SLC24A4: variants seen among roughly 807,000 people sequenced by gnomAD.
SLC24A4 encodes solute carrier family 24 member 4.
In SLC24A4, 53 loss-of-function variants were observed where a neutral mutation model predicts 79.0. The observed-to-expected ratio is 0.67, with a 90% CI of 0.54 to 0.84. The LOEUF (loss-of-function observed/expected upper bound fraction) is 0.84. Ranked by LOEUF, SLC24A4 falls within the 40% of genes least tolerant of loss-of-function variation. The pLI, the probability that SLC24A4 is intolerant of heterozygous loss-of-function variation, is 0.00. For missense variants in SLC24A4, 731 were observed against 822.0 expected (o/e 0.89, Z 1.35); for synonymous variants, 323 against 323.8 (o/e 1.00, Z 0.03).
rs568750911 is a variant in SLC24A4, at chr14:92,441,952, G to T, written c.394-137G>T. On this transcript the variant is annotated intron_variant, in intron 4 of 16. Coordinates refer to ENST00000532405, the MANE Select transcript of SLC24A4 (RefSeq NM_153646.4). This position sits in a 1 kb window ranked among gnomAD's most constrained non-coding sequence, Gnocchi z 4.6. ...AGAGGGCACACAGCATGTGCCCAGG[G>T]GTGAGAGGCTGCAGGCAGACGAGTT... 8.0e-6 allele frequency: 5 copies of T among 626,086 alleles called. No individual in the cohort carries two copies. The highest frequency in any genetic ancestry group is 1.4e-5 in the Non-Finnish European group (5 of 349,324). 38.8% of individuals were successfully genotyped at this position (626,086 alleles called of 1,614,324 possible). A position where few individuals can be genotyped will look rare whatever the true frequency, so the allele number is the denominator to read the frequency against.
rs745847460 is a variant in SLC24A4, at chr14:92,496,434, G to A, written c.*2806G>A. 2.0e-5 allele frequency: 3 copies of A among 151,886 alleles called. No individual in the cohort carries two copies. The highest frequency in any genetic ancestry group is 4.4e-5 in the Non-Finnish European group (3 of 67,966). The allele number at this position is 151,886 out of a possible 1,614,324, so 9.4% of individuals were successfully genotyped here. A position where few individuals can be genotyped will look rare whatever the true frequency, so the allele number is the denominator to read the frequency against. On this transcript the variant is annotated 3_prime_UTR_variant, in exon 17 of 17. Transcript: ENST00000532405. ...GATAATTACTCTGCTACAGAAATAG[G>A]CAATTTAAAAAAATGAATTTAGCTC...
In SLC24A4 at chr14:92,456,625, C is replaced by T. The variant is rs1279394872; in HGVS notation, c.1255+17C>T. On this transcript the variant is annotated intron_variant, in intron 12 of 16. Coordinates refer to ENST00000532405, the MANE Select transcript of SLC24A4 (RefSeq NM_153646.4). ...CCGTGCCGGGTGAGTTCTGGGGGTA[C>T]TGGACTCTCGGGCTACATTTTTGGG... The T allele has an allele frequency of 6.2e-7, 1 of 1,610,574 alleles. No homozygotes were observed. The highest frequency in any genetic ancestry group is 1.3e-5 in the African/African-American group (1 of 74,830).
rs1031886997 is a variant in SLC24A4, at chr14:92,483,907, G to A, written c.1422+1061G>A. 4 of 1,280,808 alleles carry A rather than the reference G, an allele frequency of 3.1e-6. No homozygotes were observed. In the African/African-American group the frequency reaches 4.6e-5, roughly 15 times the overall value. The allele number at this position is 1,280,808 out of a possible 1,614,324, so 79.3% of individuals were successfully genotyped here. A position where few individuals can be genotyped will look rare whatever the true frequency, so the allele number is the denominator to read the frequency against. ...ATGAGAGACAGCAGGGCCAGTAAAC[G>A]TTCCATGCTGGCCCAGGGGCCACCT... On this transcript the variant is annotated intron_variant, in intron 13 of 16. Transcript: ENST00000532405.
intron 2 of SLC24A4, among the ~76,000 whole-genome samples, chr14:92,372,905 C>CTTCCTTCA (rs1888256282): frequency 8.4e-6 from 1 of 118,958 alleles, no homozygotes; most frequent in Non-Finnish European, 1.9e-5. Context: ...TCCTTCCTTC[C>CTTCCTTCA]TTCCTTCCTT....
chr14:92,392,495 A>G (rs1465516976), intron 2 of SLC24A4, among the ~76,000 whole-genome samples: 3 of 152,102 alleles, frequency 2.0e-5, no homozygotes, highest in East Asian at 3.9e-4. Flanking sequence ...TCGGGGTGAC[A>G]GCTTCTCATC....
intron 2 of SLC24A4, among the ~76,000 whole-genome samples, chr14:92,429,517 AT>A (rs1891746117): frequency 6.6e-6 from 1 of 152,256 alleles, no homozygotes; most frequent in African/African-American, 2.4e-5. Context: ...GATCCATTTA[AT>A]AATGGCCTAG....
At chr14:92,413,969 C>T (rs1366317676) in intron 2 of SLC24A4, among the ~76,000 whole-genome samples, 6 of 152,052 alleles carry the variant, frequency 3.9e-5, no homozygotes, top group African/African-American at 1.2e-4. Context: ...TTCCCAGCCA[C>T]CCAGTTTTGA....
At chr14:92,461,794 T>C (rs1446487393) in intron 12 of SLC24A4, among the ~76,000 whole-genome samples, 2 of 152,186 alleles carry the variant, frequency 1.3e-5, no homozygotes, top group Non-Finnish European at 2.9e-5. Flanking sequence ...GAGCTTTACA[T>C]GTATCCCCTC....
intron 12 of SLC24A4, among the ~76,000 whole-genome samples, chr14:92,469,203 G>A (rs1418215296): frequency 2.0e-5 from 3 of 152,090 alleles, no homozygotes; most frequent in African/African-American, 7.2e-5. Context: ...TACATTGCTG[G>A]TGGAAATGTA....
chr14:92,434,753 A>AT (rs537188546), intron 3 of SLC24A4, among the ~76,000 whole-genome samples: 82 of 152,234 alleles, frequency 5.4e-4, no homozygotes, highest in African/African-American at 1.9e-3. Flanking sequence ...GGTTAAATGC[A>AT]TTTTCCACTT....
At chr14:92,459,109 A>C (rs908850454) in intron 12 of SLC24A4, among the ~76,000 whole-genome samples, 4 of 152,214 alleles carry the variant, frequency 2.6e-5, no homozygotes, top group African/African-American at 9.7e-5. Flanking sequence ...TCCACTGTCC[A>C]GGCGCTGCAG....
At chr14:92,346,255 C>T (rs1023375683) in intron 2 of SLC24A4, among the ~76,000 whole-genome samples, 4 of 152,154 alleles carry the variant, frequency 2.6e-5, no homozygotes, top group Non-Finnish European at 5.9e-5. Flanking sequence ...AGATGCAGTG[C>T]TATAGGAAGC....
In SLC24A4 at chr14:92,483,897, G is replaced by T. The variant is rs1895212413; in HGVS notation, c.1422+1051G>T. The T allele has an allele frequency of 4.7e-6, 6 of 1,285,080 alleles. No homozygotes were observed. The Admixed American group carries it at 6.9e-5, about 15-fold the overall frequency. The allele number at this position is 1,285,080 out of a possible 1,614,324, so 79.6% of individuals were successfully genotyped here. A position where few individuals can be genotyped will look rare whatever the true frequency, so the allele number is the denominator to read the frequency against. On this transcript the variant is annotated intron_variant, in intron 13 of 16. Coordinates refer to ENST00000532405, the MANE Select transcript of SLC24A4 (RefSeq NM_153646.4). ...CGATCTTGACATGAGAGACAGCAGG[G>T]CCAGTAAACGTTCCATGCTGGCCCA...
intron 2 of SLC24A4, among the ~76,000 whole-genome samples, chr14:92,367,840 G>A (rs891180625): frequency 3.9e-5 from 6 of 152,242 alleles, no homozygotes; most frequent in Admixed American, 2.0e-4. Context: ...GCATAGCAGA[G>A]AAAGGGAGAA....
intron 2 of SLC24A4, among the ~76,000 whole-genome samples, chr14:92,369,350 G>A (rs1888020545): frequency 6.6e-6 from 1 of 152,174 alleles, no homozygotes. Flanking sequence ...TCATGCCAAG[G>A]TGTTCAGTAT....
At chr14:92,369,544 T>C (rs910309790) in intron 2 of SLC24A4, among the ~76,000 whole-genome samples, 3 of 152,206 alleles carry the variant, frequency 2.0e-5, no homozygotes, top group Non-Finnish European at 4.4e-5. Flanking sequence ...GAAAAAATAA[T>C]GTGTTTGTAA....
chr14:92,482,340 GC>G (rs2139923090), intron 12 of SLC24A4, among the ~76,000 whole-genome samples: 1 of 152,316 alleles, frequency 6.6e-6, no homozygotes, highest in East Asian at 1.9e-4. Flanking sequence ...TTGACTTCCA[GC>G]CCAGGGCTGT....
At chr14:92,361,040 A>G (rs1347842673) in intron 2 of SLC24A4, among the ~76,000 whole-genome samples, 2 of 152,204 alleles carry the variant, frequency 1.3e-5, no homozygotes, top group East Asian at 3.8e-4. Flanking sequence ...GGGTGTTGCC[A>G]TCCTCTCAGC....
chr14:92,484,977 A>C, intron 13 of SLC24A4: 1 of 747,428 alleles, frequency 1.3e-6, no homozygotes, highest in Non-Finnish European at 1.6e-6. Context: ...TTTCAACCTA[A>C]TCTTACTTCA....
Sources: gnomAD v4.1 joint callset for allele counts (sites outside exome capture counted in the v4.1 genomes callset) on GRCh38, gnomAD v4.1.1 for gene constraint, Gnocchi (gnomAD v3.1) non-coding constraint, MANE v1.5 for transcripts, NCBI Gene and HGNC (gene_info 2026-07-23, HGNC 2026-07-21) for gene names.